Variants in BABAM2 observed in about 807,000 individuals in gnomAD.
BABAM2 encodes BRISC and BRCA1-A complex member 2.
BABAM2 carries 31 observed loss-of-function variants against 54.7 expected under a neutral mutation model. The ratio of observed to expected loss-of-function variants is 0.57; its 90% CI spans 0.43 to 0.77. The LOEUF (loss-of-function observed/expected upper bound fraction) is 0.77. BABAM2 is among the 30% of genes least tolerant of loss of function. The probability of loss-of-function intolerance (pLI) is 0.00; values close to 1 mark genes in which losing one functional copy is unlikely to be tolerated. For missense variants in BABAM2, 364 were observed against 455.8 expected (o/e 0.80, Z 1.83); for synonymous variants, 167 against 162.9 (o/e 1.03, Z -0.19).
intron 7 of BABAM2, among the ~76,000 whole-genome samples, chr2:28,228,113 A>G (rs944867766): frequency 6.6e-6 from 1 of 152,224 alleles, no homozygotes; most frequent in Non-Finnish European, 1.5e-5. Context: ...AGCAAGGAGC[A>G]CTTTGGAAAC....
At chr2:27,932,685 G>T (rs1295708208) in intron 3 of BABAM2, among the ~76,000 whole-genome samples, 1 of 152,110 alleles carries the variant, frequency 6.6e-6, no homozygotes, top group Non-Finnish European at 1.5e-5. Context: ...AGACTATTCC[G>T]TGAGGAGCTT....
At chr2:27,987,012 T>G (rs1672445722) in intron 3 of BABAM2, among the ~76,000 whole-genome samples, 1 of 152,160 alleles carries the variant, frequency 6.6e-6, no homozygotes, top group South Asian at 2.1e-4. Context: ...ACTTTGTAAA[T>G]TTGTCTTATG....
At chr2:28,135,080 A>G (rs1410325131) in intron 7 of BABAM2, among the ~76,000 whole-genome samples, 1 of 152,188 alleles carries the variant, frequency 6.6e-6, no homozygotes, top group Non-Finnish European at 1.5e-5. Context: ...TGCTTGGCCC[A>G]TGGTTGATGC....
intron 2 of BABAM2, among the ~76,000 whole-genome samples, chr2:27,926,158 T>C (rs909651571): frequency 6.6e-6 from 1 of 152,056 alleles, no homozygotes; most frequent in Non-Finnish European, 1.5e-5. Flanking sequence ...TTTACTCTTC[T>C]GCTAAAAACC....
At chr2:28,064,954 G>C (rs945864417) in intron 6 of BABAM2, among the ~76,000 whole-genome samples, 1 of 150,814 alleles carries the variant, frequency 6.6e-6, no homozygotes, top group Admixed American at 6.6e-5. Flanking sequence ...AGTGAGCCGA[G>C]ATTGTGCCAC....
intron 10 of BABAM2, among the ~76,000 whole-genome samples, chr2:28,296,104 C>A (rs1478337746): frequency 6.6e-6 from 1 of 151,982 alleles, no homozygotes; most frequent in Non-Finnish European, 1.5e-5. Context: ...CAGAGCGAGA[C>A]CCTGTCTCAA....
Position 28,276,142 on chromosome 2 carries a change from T to A in BABAM2, c.935-22196T>A, listed in dbSNP as rs1573981872. On this transcript the variant is annotated intron_variant, in intron 10 of 11. Transcript: ENST00000379624. ...GGTTGAAGTGACTCACTTGCGTAGA[T>A]GAAGTTATTTTTAGAGATGTAATTT... 2.0e-5 allele frequency among the ~76,000 whole-genome samples: 3 copies of A among 152,240 alleles called. No individual in the cohort carries two copies. In the East Asian group the frequency reaches 5.8e-4, roughly 29 times the overall value.
At chr2:28,237,622 C>T (rs1000457111) in intron 8 of BABAM2, among the ~76,000 whole-genome samples, 2 of 152,202 alleles carry the variant, frequency 1.3e-5, no homozygotes, top group African/African-American at 4.8e-5. Context: ...CCTTCTTAAA[C>T]TTTAAAACTT....
At chr2:28,035,356 A>G (rs1429350749) in intron 5 of BABAM2, among the ~76,000 whole-genome samples, 2 of 152,154 alleles carry the variant, frequency 1.3e-5, no homozygotes, top group Non-Finnish European at 2.9e-5. Flanking sequence ...CCTTTCCCCT[A>G]CTGGCATGAG....
At chr2:27,941,397 A>G (rs551808881) in intron 3 of BABAM2, among the ~76,000 whole-genome samples, 3 of 152,260 alleles carry the variant, frequency 2.0e-5, no homozygotes, top group East Asian at 3.9e-4. Flanking sequence ...TCTACTAAAA[A>G]TACAAAAGAT....
chr2:28,318,945 C>T (rs1689796269), intron 11 of BABAM2, among the ~76,000 whole-genome samples: 1 of 152,206 alleles, frequency 6.6e-6, no homozygotes, highest in Non-Finnish European at 1.5e-5. Context: ...CACCTCACCC[C>T]TGGGCTGTCT....
At chr2:28,068,019 T>C (rs1170334228) in intron 6 of BABAM2, among the ~76,000 whole-genome samples, 1 of 152,066 alleles carries the variant, frequency 6.6e-6, no homozygotes, top group Non-Finnish European at 1.5e-5. Context: ...CTTACATTAT[T>C]TGAGTGGACC....
At chr2:28,184,425 C>T (rs1676051214) in intron 7 of BABAM2, among the ~76,000 whole-genome samples, 1 of 151,780 alleles carries the variant, frequency 6.6e-6, no homozygotes, top group Admixed American at 6.6e-5. Context: ...GTGTGCTGCA[C>T]CCATGAACTT....
Position 28,045,814 on chromosome 2 carries a change from T to C in BABAM2, c.570+15T>C. On this transcript the variant is annotated intron_variant, in intron 6 of 11. Transcript: ENST00000379624. ...ACCTTCTCAAGGTAAAAATATATGA[T>C]TTTCAGTATGAGAATATAAGTGAGC... 6.3e-7 allele frequency: 1 copy of C among 1,589,556 alleles called. No individual in the cohort carries two copies. The highest frequency in any genetic ancestry group is 8.6e-7 in the Non-Finnish European group (1 of 1,161,174).
intron 7 of BABAM2, among the ~76,000 whole-genome samples, chr2:28,132,628 C>T (rs1370753736): frequency 6.6e-6 from 1 of 152,158 alleles, no homozygotes; most frequent in East Asian, 1.9e-4. Context: ...TTCTCTAACC[C>T]CTCTTCCTGT....
chr2:28,296,925 T>C (rs1687741770), intron 10 of BABAM2, among the ~76,000 whole-genome samples: 1 of 152,144 alleles, frequency 6.6e-6, no homozygotes, highest in Non-Finnish European at 1.5e-5. Context: ...TGACCTCAGG[T>C]AATCCACCCA....
intron 6 of BABAM2, among the ~76,000 whole-genome samples, chr2:28,125,899 A>G (rs1333211573): frequency 6.6e-6 from 1 of 152,218 alleles, no homozygotes; most frequent in East Asian, 1.9e-4. Context: ...CAGTTGATAG[A>G]GCGATATGAT....
chr2:28,086,448 A>T (rs568810529), intron 6 of BABAM2, among the ~76,000 whole-genome samples: 1 of 152,302 alleles, frequency 6.6e-6, no homozygotes, highest in East Asian at 1.9e-4. Context: ...TTACAGTTTT[A>T]CTTTACAGAT....
At chr2:27,940,176 C>T (rs1355003091) in intron 3 of BABAM2, among the ~76,000 whole-genome samples, 2 of 152,108 alleles carry the variant, frequency 1.3e-5, no homozygotes, top group South Asian at 2.1e-4. Flanking sequence ...ATGAAATACA[C>T]GTTAAGGTCT....
Sources: gnomAD v4.1 joint callset for allele counts (sites outside exome capture counted in the v4.1 genomes callset) on GRCh38, gnomAD v4.1.1 for gene constraint, MANE v1.5 for transcripts, NCBI Gene and HGNC (gene_info 2026-07-23, HGNC 2026-07-21) for gene names.